FRAS1: variants seen among roughly 807,000 people sequenced by gnomAD.
FRAS1 encodes the protein extracellular matrix organizing protein FRAS1.
FRAS1 carries 290 observed loss-of-function variants against 435.2 expected under a neutral mutation model. The ratio of observed to expected loss-of-function variants is 0.67; its 90% CI spans 0.61 to 0.73. FRAS1 has a LOEUF of 0.73. Among genes scored for constraint, FRAS1 ranks in the 30% least tolerant of loss-of-function variants. The probability of loss-of-function intolerance (pLI) is 0.00; values close to 1 mark genes in which losing one functional copy is unlikely to be tolerated. For synonymous variants in FRAS1, 1,800 were observed against 1,851.0 expected (o/e 0.97, Z 0.71); for missense variants, 4,860 against 5,001.5 (o/e 0.97, Z 0.85).
At chr4:78,076,758 T>C (rs1371591098) in intron 2 of FRAS1, among the ~76,000 whole-genome samples, 1 of 152,176 alleles carries the variant, frequency 6.6e-6, no homozygotes, top group African/African-American at 2.4e-5. Context: ...GAAAATTTTA[T>C]AGGAATAAGA....
At chr4:78,181,467 C>G in intron 2 of FRAS1, 1 of 1,611,874 alleles carries the variant, frequency 6.2e-7, no homozygotes, top group Admixed American at 1.7e-5. Flanking sequence ...CTATGCCTAT[C>G]AAATTCACGT....
rs746665000 is a variant in FRAS1 at position 78,371,100 on chromosome 4, T to G, written c.2869+1116T>G. ...TTTTTTCTGTTTTTTTGTTTTTTTT[T>G]TTTTTTGCCTTCTAACCAGTAGCTG... On this transcript the variant is annotated intron_variant, in intron 23 of 73. Coordinates refer to ENST00000512123, the MANE Select transcript of FRAS1 (RefSeq NM_025074.7). 4.7e-3 allele frequency among the ~76,000 whole-genome samples: 703 copies of G among 151,152 alleles called. 2 individuals carry two copies. The highest frequency in any genetic ancestry group is 7.8e-3 in the Non-Finnish European group (527 of 67,836).
intron 2 of FRAS1, among the ~76,000 whole-genome samples, chr4:78,095,736 C>T (rs1284898362): frequency 6.6e-6 from 1 of 152,198 alleles, no homozygotes; most frequent in African/African-American, 2.4e-5. Context: ...TATTCACTAT[C>T]ACAAGAACAG....
At chr4:78,483,648 G>C (rs77622308) in intron 58 of FRAS1, among the ~76,000 whole-genome samples, 46 of 151,282 alleles carry the variant, frequency 3.0e-4, no homozygotes, top group Middle Eastern at 3.4e-3. Flanking sequence ...GGCAAAAAGC[G>C]TATACTATGA....
intron 2 of FRAS1, among the ~76,000 whole-genome samples, chr4:78,073,332 TTTAAG>T (rs769246498): frequency 2.0e-5 from 3 of 152,176 alleles, no homozygotes; most frequent in Non-Finnish European, 4.4e-5. Context: ...GAACAGATGT[TTTAAG>T]TTAACAAACA....
At chr4:78,191,197 A>C (rs1258931989) in intron 2 of FRAS1, among the ~76,000 whole-genome samples, 4 of 152,192 alleles carry the variant, frequency 2.6e-5, no homozygotes, top group Non-Finnish European at 5.9e-5. Context: ...CCCTCAGCAA[A>C]CTAAGACAAG....
At chr4:78,340,869 T>C (rs1484659929) in intron 20 of FRAS1, among the ~76,000 whole-genome samples, 2 of 152,198 alleles carry the variant, frequency 1.3e-5, no homozygotes, top group South Asian at 2.1e-4. Context: ...ATTGGTCACA[T>C]TGGATCAGGA....
At chr4:78,208,031 T>G (rs1006897728) in intron 2 of FRAS1, among the ~76,000 whole-genome samples, 20 of 152,208 alleles carry the variant, frequency 1.3e-4, no homozygotes, top group African/African-American at 4.8e-4. Flanking sequence ...CTGAAGGAAG[T>G]GGATAGCTCC....
intron 2 of FRAS1, among the ~76,000 whole-genome samples, chr4:78,213,963 GGTGGGTT>G (rs1378021993): frequency 6.6e-6 from 1 of 152,210 alleles, no homozygotes; most frequent in East Asian, 1.9e-4. Flanking sequence ...TTTAATAGGT[GGTGGGTT>G]CATTATTTAT....
intron 14 of FRAS1, among the ~76,000 whole-genome samples, chr4:78,287,295 GA>G (rs1478115325): frequency 6.6e-6 from 1 of 152,058 alleles, no homozygotes; most frequent in African/African-American, 2.4e-5. Context: ...TCCCTCCCTC[GA>G]CACGTGGGGA....
intron 51 of FRAS1, 112 bp from the exon 52 acceptor site, chr4:78,472,068 C>A: frequency 9.3e-7 from 1 of 1,080,334 alleles, no homozygotes; most frequent in Non-Finnish European, 1.4e-6. Context: ...GCTTTCCATG[C>A]AGTAAATACA....
intron 23 of FRAS1, among the ~76,000 whole-genome samples, chr4:78,371,083 G>GTTTTTTTTTTTTTTTTTTTTTTTTTT (rs1242709942): frequency 7.8e-6 from 1 of 127,402 alleles, no homozygotes. Flanking sequence ...TTTTTTTTCT[G>GTTTTTTTTTTTTTTTTTTTTTTTTTT]TTTTTTTGTT....
Position 78,511,314 on chromosome 4 carries a change from G to C in FRAS1, c.9821G>C (p.Arg3274Pro), listed in dbSNP as rs774492695. The change falls in exon 64 of 74, where the codon CGT becomes CCT. Residue 3274 changes from arginine to proline, a missense_variant. Coordinates refer to ENST00000512123, the MANE Select transcript of FRAS1 (RefSeq NM_025074.7). ...SIYFSRRFHV[R>P]CVAKAVDKVG... The stretch of plus-strand genomic sequence containing the variant: ...TACTTCAGCCGGAGGTTCCATGTGC[G>C]TTGTGTGGCCAAGGCTGTGGACAAG... 1 of 1,609,706 alleles carries C rather than the reference G, an allele frequency of 6.2e-7. No homozygotes were observed. Among genetic ancestry groups the C allele is most frequent in the Non-Finnish European group, 8.5e-7 (1 of 1,176,502 alleles).
chr4:78,263,512 C>G (rs1214132808), intron 6 of FRAS1, among the ~76,000 whole-genome samples: 1 of 152,176 alleles, frequency 6.6e-6, no homozygotes, highest in East Asian at 1.9e-4. Context: ...TAACTCTATG[C>G]CTATTCAAGA....
chr4:78,472,263 G>A lies in FRAS1; in HGVS notation c.7455G>A (p.Thr2485=), dbSNP rs777436377. The change falls in exon 52 of 74, where the codon ACG becomes ACA. Residue 2485 remains threonine, a synonymous_variant. Coordinates refer to ENST00000512123, the MANE Select transcript of FRAS1 (RefSeq NM_025074.7). ...CGCAGCTTGTCTATGAGATAACGACGGGCCCTAAGCATGGCTTTGTGGAGA... is the reference window on the plus strand; with the variant it reads ...CGCAGCTTGTCTATGAGATAACGACAGGCCCTAAGCATGGCTTTGTGGAGA... The part of the protein sequence containing the change: ...EDAQLVYEIT[T]GPKHGFVENK... The A allele has an allele frequency of 8.1e-6, 13 of 1,613,504 alleles. No homozygotes were observed. Among genetic ancestry groups the A allele is most frequent in the South Asian group, 5.5e-5 (5 of 91,006 alleles).
At chr4:78,205,417 C>T (rs1301041872) in intron 2 of FRAS1, among the ~76,000 whole-genome samples, 1 of 152,096 alleles carries the variant, frequency 6.6e-6, no homozygotes. Context: ...TCATCTTGAA[C>T]TCCTGGGCTC....
At chr4:78,461,179 T>C (rs763704012) in intron 47 of FRAS1, among the ~76,000 whole-genome samples, 1 of 152,216 alleles carries the variant, frequency 6.6e-6, no homozygotes, top group African/African-American at 2.4e-5. Flanking sequence ...TCAAAAATAT[T>C]GTGTTGTTTT....
intron 59 of FRAS1, among the ~76,000 whole-genome samples, chr4:78,494,489 G>T (rs1720453948): frequency 6.6e-6 from 1 of 152,136 alleles, no homozygotes; most frequent in African/African-American, 2.4e-5. Context: ...GGAGGAAAGA[G>T]AGAGGGTAGG....
intron 4 of FRAS1, 85 bp from the exon 5 acceptor site, chr4:78,252,307 A>G: frequency 1.5e-6 from 2 of 1,314,378 alleles, no homozygotes; most frequent in Non-Finnish European, 1.1e-6. Flanking sequence ...TAATTTGGAT[A>G]AGAGAAGATT....
Sources: allele counts gnomAD v4.1 joint callset (sites outside exome capture counted in the v4.1 genomes callset), GRCh38; gene constraint gnomAD v4.1.1; transcripts MANE v1.5; gene names NCBI Gene and HGNC (gene_info 2026-07-23, HGNC 2026-07-21).